Variants in A2M observed in about 807,000 individuals in gnomAD.
A2M encodes the protein C3 and PZP-like alpha-2-macroglobulin domain-containing protein 5.
A neutral mutation model predicts 183.9 loss-of-function variants in A2M; 128 were observed. The ratio of observed to expected loss-of-function variants is 0.70; its 90% CI spans 0.60 to 0.81. The LOEUF (loss-of-function observed/expected upper bound fraction) is 0.81. Ranked by LOEUF, A2M falls within the 30% of genes least tolerant of loss-of-function variation. The probability of loss-of-function intolerance (pLI) is 0.00; values close to 1 mark genes in which losing one functional copy is unlikely to be tolerated. For missense variants in A2M, 1,495 were observed against 1,787.6 expected, an observed-to-expected ratio of 0.84 and a Z score of 2.95; for synonymous variants, 592 against 670.8, an observed-to-expected ratio of 0.88 and a Z score of 1.81.
At chr12:9,098,215 G>A (rs140582476) in intron 15 of A2M, among the ~76,000 whole-genome samples, 2 of 152,194 alleles carry the variant, frequency 1.3e-5, no homozygotes, top group African/African-American at 2.4e-5. Flanking sequence ...AATCTGCTCT[G>A]TATTCTCTCC....
Position 9,113,395 on chromosome 12 carries a change from C to A in A2M, c.235G>T (p.Ala79Ser). ...GNRSLFTDLE[A>S]ENDVLHCVAF... The stretch of plus-strand genomic sequence containing the variant: ...ACACAGTGGAGTACGTCATTCTCCG[C>A]CTCCAGGTCAGTGAAGAGGCTCCTG... Residue 79 changes from alanine (A) to serine (S), a missense_variant, in exon 2 of 36, where the codon GCG becomes TCG. Ala to Ser is a moderately conservative substitution (Grantham distance 99, BLOSUM62 1). Coordinates refer to ENST00000318602, the MANE Select transcript of A2M (RefSeq NM_000014.6). 2 of 1,613,720 alleles carry A rather than the reference C, an allele frequency of 1.2e-6. No individual in the cohort carries two copies. The highest frequency in any genetic ancestry group is 3.3e-4 in the Middle Eastern group (2 of 6,062).
At chr12:9,068,104 A>T in intron 35 of A2M, 79 bp downstream of exon 35, 1 of 1,473,628 alleles carries the variant, frequency 6.8e-7, no homozygotes, top group South Asian at 1.2e-5. Context: ...ATATTTACCC[A>T]GCGTTTTATG....
chr12:9,081,583 A>G lies in A2M; in HGVS notation c.2771-1406T>C, dbSNP rs1948907817. 2.0e-5 allele frequency among the ~76,000 whole-genome samples: 3 copies of G among 152,352 alleles called. No homozygotes were observed. In the South Asian group the frequency reaches 6.2e-4, roughly 32 times the overall value. On this transcript the variant is annotated intron_variant, in intron 22 of 35. Coordinates refer to ENST00000318602, the MANE Select transcript of A2M (RefSeq NM_000014.6). ...TCTAGGACACCTACATTGTTCATAG[A>G]ACTGAGTGAAGACAAATTAGAAGAG...
chr12:9,093,137 C>T (rs959942804), intron 18 of A2M, among the ~76,000 whole-genome samples: 5 of 152,030 alleles, frequency 3.3e-5, no homozygotes, highest in African/African-American at 7.3e-5. Context: ...GTTGAAGTTA[C>T]GTAGGATGAA....
chr12:9,071,003 A>G (rs757941194), intron 31 of A2M, among the ~76,000 whole-genome samples: 16 of 152,188 alleles, frequency 1.1e-4, no homozygotes, highest in Non-Finnish European at 1.6e-4. Flanking sequence ...TATTTTTAGT[A>G]CAGACGGGGT....
chr12:9,113,419 T>A lies in A2M; in HGVS notation c.211A>T (p.Arg71Trp), dbSNP rs199673531. The A allele has an allele frequency of 6.2e-7, 1 of 1,613,846 alleles. No individual in the cohort carries two copies. Among genetic ancestry groups the A allele is most frequent in the Non-Finnish European group, 8.5e-7 (1 of 1,179,938 alleles). Residue 71 changes from arginine to tryptophan, a missense_variant, in exon 2 of 36, where the codon AGG becomes TGG. Arg to Trp is a moderately radical substitution (Grantham distance 101). Coordinates refer to ENST00000318602, the MANE Select transcript of A2M (RefSeq NM_000014.6). ...SASLESVRGN[R>W]SLFTDLEAEN... ...GCCTCCAGGTCAGTGAAGAGGCTCC[T>A]GTTTCCCCTGACAGACTCCAAGGAA...
At chr12:9,076,729 G>C in intron 28 of A2M, 27 bp downstream of exon 28, 1 of 1,613,144 alleles carries the variant, frequency 6.2e-7, no homozygotes, top group Non-Finnish European at 8.5e-7. Flanking sequence ...GGATGGGCCA[G>C]GAGAAGGATC....
chr12:9,095,659 A>G lies in A2M; in HGVS notation c.1893T>C (p.Pro631=). 1 of 1,608,904 alleles carries G rather than the reference A, an allele frequency of 6.2e-7. No homozygotes were observed. Among genetic ancestry groups the G allele is most frequent in the Non-Finnish European group, 8.5e-7 (1 of 1,177,108 alleles). ...CATTGTCCTGGTCATTCAAAGGCCC[A>G]GGGAAGCCAGTGAGGTCCTTTTCTG... ...LLPEKDLTGF[P]GPLNDQDNED... The change falls in exon 16 of 36, where the codon CCT becomes CCC. Residue 631 remains proline (P), a synonymous_variant. Transcript: ENST00000318602.
intron 1 of A2M, 179 bp downstream of exon 1, chr12:9,115,585 G>A (rs140738297): frequency 5.3e-6 from 3 of 564,724 alleles, no homozygotes; most frequent in African/African-American, 3.8e-5. Context: ...CAGAGAGTTG[G>A]GGAAGAATGA....
chr12:9,097,818 A>T (rs1469837032), intron 15 of A2M, among the ~76,000 whole-genome samples: 1 of 152,034 alleles, frequency 6.6e-6, no homozygotes, highest in Non-Finnish European at 1.5e-5. Context: ...TTTTTAGTAG[A>T]TACGGGGTTT....
At chr12:9,093,626 GC>G in intron 17 of A2M, 47 bp from the exon 18 acceptor site, 2 of 1,047,892 alleles carry the variant, frequency 1.9e-6, no homozygotes, top group Non-Finnish European at 2.7e-6. Context: ...TACAGATAAA[GC>G]TTATGAGAGA....
chr12:9,111,348 A>G (rs1938712824), intron 4 of A2M, among the ~76,000 whole-genome samples: 1 of 152,182 alleles, frequency 6.6e-6, no homozygotes, highest in South Asian at 2.1e-4. Context: ...AAATAGAAAA[A>G]CAAAGCCAAG....
chr12:9,098,553 G>A, intron 15 of A2M, 54 bp downstream of exon 15: 1 of 1,541,992 alleles, frequency 6.5e-7, no homozygotes, highest in East Asian at 2.4e-5. Context: ...ATTTTTCCTT[G>A]CTCTGAGCCC....
chr12:9,111,936 A>G, intron 4 of A2M: 1 of 694,236 alleles, frequency 1.4e-6, no homozygotes, highest in Non-Finnish European at 2.7e-6. Context: ...AGTAAATTTA[A>G]TTGTGTGACA....
chr12:9,091,278 T>C lies in A2M; in HGVS notation c.2392A>G (p.Met798Val). The C allele has an allele frequency of 6.2e-7, 1 of 1,614,136 alleles. No individual in the cohort carries two copies. The highest frequency in any genetic ancestry group is 8.5e-7 in the Non-Finnish European group (1 of 1,180,028). Reference sequence around the variant, plus strand: ...TCTCCACGAATCACAGAGTAAGGCATTGTGAGCTCCACAAAGAAGGGCTGG... The same window carrying C: ...TCTCCACGAATCACAGAGTAAGGCACTGTGAGCTCCACAAAGAAGGGCTGG... ...AFQPFFVELT[M>V]PYSVIRGEAF... is the part of the protein sequence containing the mutation. The change falls in exon 19 of 36, where the codon ATG (methionine) becomes GTG (valine). Residue 798 changes from methionine to valine, a missense_variant. Met to Val is a conservative substitution (Grantham distance 21). Coordinates refer to ENST00000318602, the MANE Select transcript of A2M (RefSeq NM_000014.6).
At chr12:9,068,925 G>T (rs906235688) in intron 33 of A2M, 83 bp from the exon 34 acceptor site, 5 of 993,486 alleles carry the variant, frequency 5.0e-6, no homozygotes, top group Admixed American at 2.7e-5. Context: ...CCTGTTTTTT[G>T]GGGGAAAAGC....
rs533928911 is a variant in A2M at position 9,098,132 on chromosome 12, C to T, written c.1851+475G>A. Reference sequence around the variant, plus strand: ...ACATTTTAAATATATAATTTTCGAACGGCTTCCCCGGTTGCTCAGTTAATC... The same window carrying T: ...ACATTTTAAATATATAATTTTCGAATGGCTTCCCCGGTTGCTCAGTTAATC... On this transcript the variant is annotated intron_variant, in intron 15 of 35. Transcript: ENST00000318602. 2.0e-3 allele frequency among the ~76,000 whole-genome samples: 301 copies of T among 152,226 alleles called. 10 individuals carry two copies. The South Asian group carries it at 0.054, about 27-fold the overall frequency.
chr12:9,114,903 A>C (rs1939009480), intron 1 of A2M, among the ~76,000 whole-genome samples: 1 of 152,226 alleles, frequency 6.6e-6, no homozygotes, highest in African/African-American at 2.4e-5. Context: ...AGTATGATTC[A>C]TACATATTAG....
At chr12:9,074,036 C>T (rs1034701213) in intron 29 of A2M, among the ~76,000 whole-genome samples, 1 of 147,716 alleles carries the variant, frequency 6.8e-6, no homozygotes, top group African/African-American at 2.5e-5. Context: ...TGCAGTGAGC[C>T]GAGATTGCAC....
Sources: allele counts gnomAD v4.1 joint callset (sites outside exome capture counted in the v4.1 genomes callset), GRCh38; gene constraint gnomAD v4.1.1; transcripts MANE v1.5; gene names NCBI Gene and HGNC (gene_info 2026-07-23, HGNC 2026-07-21).